The following SARS1 variants were observed in gnomAD, a reference collection of about 807,000 sequenced individuals.
The protein encoded by SARS1 is seryl-tRNA synthetase 1.
In SARS1, 25 loss-of-function variants were observed where a neutral mutation model predicts 63.7. The observed-to-expected ratio is 0.39, with a 90% CI of 0.29 to 0.55. SARS1 has a LOEUF of 0.55. Ranked by LOEUF, SARS1 falls within the 20% of genes least tolerant of loss-of-function variation. The pLI, the probability that SARS1 is intolerant of heterozygous loss-of-function variation, is 0.62. For synonymous variants in SARS1, 231 were observed against 243.5 expected (o/e 0.95, Z 0.48); for missense variants, 417 against 649.7 (o/e 0.64, Z 3.89).
intron 5 of SARS1, 69 bp downstream of exon 5, chr1:109,231,090 T>G: frequency 5.0e-6 from 5 of 993,520 alleles, no homozygotes; most frequent in South Asian, 5.1e-5. Flanking sequence ...TATATTTTTT[T>G]TTTTTTTTGT....
In SARS1 at chr1:109,235,170, C is replaced by A. The variant is rs918551311; in HGVS notation, c.748-40C>A. On this transcript the variant is annotated intron_variant, in intron 6 of 10. Transcript: ENST00000234677. This position sits in a 1 kb window ranked among gnomAD's most constrained non-coding sequence, Gnocchi z 4.7. ...GTTTCTTATTCTAGCCAAGGTCCTC[C>A]CCACTTCCTCTTAACTGGTATAGCT... 2.0e-6 allele frequency: 3 copies of A among 1,515,516 alleles called. No homozygotes were observed. Among genetic ancestry groups the A allele is most frequent in the Non-Finnish European group, 2.8e-6 (3 of 1,090,698 alleles). 93.9% of individuals were successfully genotyped at this position (1,515,516 alleles called of 1,614,324 possible). A position where few individuals can be genotyped will look rare whatever the true frequency, so the allele number is the denominator to read the frequency against.
At chr1:109,230,561 C>CT (rs1357355305) in intron 4 of SARS1, among the ~76,000 whole-genome samples, 1 of 152,180 alleles carries the variant, frequency 6.6e-6, no homozygotes, top group African/African-American at 2.4e-5. Context: ...AATCCCAGCA[C>CT]TTTGGGAAGC....
chr1:109,230,590 C>G (rs553502208), intron 4 of SARS1, among the ~76,000 whole-genome samples: 2 of 152,072 alleles, frequency 1.3e-5, no homozygotes, highest in African/African-American at 2.4e-5. Flanking sequence ...GCGGATCACT[C>G]GAGCCCAGGA....
chr1:109,236,339 C>T (rs746573872), intron 8 of SARS1, 52 bp from the exon 9 acceptor site: 22 of 1,539,336 alleles, frequency 1.4e-5, no homozygotes, highest in Non-Finnish European at 1.8e-5. Flanking sequence ...TAAAGGTTAG[C>T]CTTCTGAAAT....
intron 1 of SARS1, chr1:109,215,081 T>A: frequency 1.0e-6 from 1 of 985,454 alleles, no homozygotes; most frequent in Non-Finnish European, 1.2e-6. Flanking sequence ...GTGTGATGGA[T>A]TTCTATTAGG....
chr1:109,233,596 T>C lies in SARS1; in HGVS notation c.748-1614T>C, dbSNP rs72973297. Among the ~76,000 whole-genome samples, 1,514 of 152,258 alleles carry C rather than the reference T, an allele frequency of 9.9e-3. 24 individuals carry two copies. Among genetic ancestry groups the C allele is most frequent in the African/African-American group, 0.035 (1,457 of 41,564 alleles). On this transcript the variant is annotated intron_variant, in intron 6 of 10. Transcript: ENST00000234677. ...AACAATTGTCATCTTAAAATATTCA[T>C]GTTGGGATTTTTTTCATATATATGT...
chr1:109,236,101 T>C lies in SARS1; in HGVS notation c.1094T>C (p.Val365Ala). 1 of 1,613,226 alleles carries C rather than the reference T, an allele frequency of 6.2e-7. No homozygotes were observed. Among genetic ancestry groups the C allele is most frequent in the African/African-American group, 1.3e-5 (1 of 75,010 alleles). The change falls in exon 8 of 11, where the codon GTC (valine) becomes GCC (alanine). Residue 365 changes from valine (V) to alanine (A), a missense_variant. Val to Ala is a moderately conservative substitution (Grantham distance 64). Coordinates refer to ENST00000234677, the MANE Select transcript of SARS1 (RefSeq NM_006513.4). ...LGIPYHIVNI[V>A]SGSLNHAASK... ...ATTCCTTACCACATTGTGAATATTGTCTCAGGTATGGGACCCAGCCTCTTC... is the reference window on the plus strand; with the variant it reads ...ATTCCTTACCACATTGTGAATATTGCCTCAGGTATGGGACCCAGCCTCTTC...
chr1:109,219,268 T>TATATATATATATATATATATAG (rs1654867455), intron 1 of SARS1, among the ~76,000 whole-genome samples: 1 of 59,362 alleles, frequency 1.7e-5, no homozygotes, highest in Admixed American at 1.9e-4. Flanking sequence ...TCTCCATATA[T>TATATATATATATATATATATAG]ATATATATAT....
At position 109,237,711 on chromosome 1, in the gene SARS1, G is replaced by A. The variant is rs773860351; in HGVS notation, c.1388-20G>A. On this transcript the variant is annotated intron_variant, in intron 10 of 10. Coordinates refer to ENST00000234677, the MANE Select transcript of SARS1 (RefSeq NM_006513.4). This position sits in a 1 kb window ranked among gnomAD's most constrained non-coding sequence, Gnocchi z 4.1. ...CTCACTGAGAAACAACAGGTCATTT[G>A]GTTGGCTCTTCCCTCCCAGGACTGC... is the stretch of plus-strand genomic sequence containing the variant. The A allele has an allele frequency of 2.5e-6, 4 of 1,612,762 alleles. No homozygotes were observed. The East Asian group carries it at 6.7e-5, about 27-fold the overall frequency.
At chr1:109,216,068 T>A (rs1169508723) in intron 1 of SARS1, 1 of 985,178 alleles carries the variant, frequency 1.0e-6, no homozygotes, top group Non-Finnish European at 1.2e-6. Flanking sequence ...TTTCCAATAT[T>A]CTCTTTGCAT....
chr1:109,217,165 T>A, intron 1 of SARS1: 1 of 981,394 alleles, frequency 1.0e-6, no homozygotes, highest in Non-Finnish European at 1.2e-6. Flanking sequence ...TGTATACAGA[T>A]GCTCCTTGAC....
At chr1:109,231,068 AAT>A (rs55823508) in intron 5 of SARS1, 47 bp downstream of exon 5, 114,252 of 925,300 alleles carry the variant, frequency 0.12, 3,891 homozygotes, top group Non-Finnish European at 0.13. Context: ...AAAGAAACAA[AAT>A]ATATATATAT....
At chr1:109,222,456 T>C (rs1489819476) in intron 1 of SARS1, among the ~76,000 whole-genome samples, 5 of 152,312 alleles carry the variant, frequency 3.3e-5, no homozygotes, top group South Asian at 2.1e-4. Context: ...GATACAGAAC[T>C]GTTTCATCAC....
intron 1 of SARS1, among the ~76,000 whole-genome samples, chr1:109,219,645 T>A (rs1654881266): frequency 1.3e-5 from 2 of 151,928 alleles, no homozygotes; most frequent in Non-Finnish European, 1.5e-5. Flanking sequence ...CCCGAGTAGC[T>A]GGGATGACAG....
chr1:109,221,061 CTT>C (rs1164086091), intron 1 of SARS1, among the ~76,000 whole-genome samples: 7 of 139,084 alleles, frequency 5.0e-5, no homozygotes, highest in Admixed American at 7.2e-5. Flanking sequence ...CTTTTCTTCT[CTT>C]TTTTTTTTTT....
chr1:109,216,517 A>G, intron 1 of SARS1: 2 of 985,222 alleles, frequency 2.0e-6, no homozygotes, highest in East Asian at 1.1e-4. Context: ...AAGCAAATAG[A>G]TTTCCATGTA....
Position 109,235,353 on chromosome 1 carries a change from G to T in SARS1, c.891G>T (p.Leu297=), listed in dbSNP as rs145465105. The stretch of plus-strand genomic sequence containing the variant: ...ACCTGCCCATCAAGTATGCTGGCCT[G>T]TCTACCTGCTTCCGTCAGGAGGTGG... ...PEDLPIKYAG[L]STCFRQEVGS... The change falls in exon 7 of 11, where the codon CTG becomes CTT. Residue 297 remains leucine, a synonymous_variant. Transcript: ENST00000234677. This position sits in a 1 kb window ranked among gnomAD's most constrained non-coding sequence, Gnocchi z 4.7. 1,037 of 1,614,128 alleles carry T rather than the reference G, an allele frequency of 6.4e-4. 1 individual carries two copies. Among genetic ancestry groups the T allele is most frequent in the Non-Finnish European group, 7.9e-4 (933 of 1,180,034 alleles).
intron 3 of SARS1, 36 bp from the exon 4 acceptor site, chr1:109,229,378 C>A: frequency 4.4e-6 from 7 of 1,606,914 alleles, no homozygotes; most frequent in Non-Finnish European, 6.0e-6. Context: ...CCTTGCCTCA[C>A]TGTCCTGCTT....
chr1:109,221,403 G>A (rs1456910642), intron 1 of SARS1, among the ~76,000 whole-genome samples: 2 of 152,018 alleles, frequency 1.3e-5, no homozygotes, highest in African/African-American at 4.8e-5. Flanking sequence ...CCCCCTTGAG[G>A]TTAGGAACAA....
Sources: gnomAD v4.1 joint callset for allele counts (sites outside exome capture counted in the v4.1 genomes callset) on GRCh38, gnomAD v4.1.1 for gene constraint, Gnocchi (gnomAD v3.1) non-coding constraint, MANE v1.5 for transcripts, NCBI Gene and HGNC (gene_info 2026-07-23, HGNC 2026-07-21) for gene names.